CBLB: variants seen among roughly 807,000 people sequenced by gnomAD.
CBLB encodes E3 ubiquitin-protein ligase CBL-B.
Under a neutral mutation model 104.9 loss-of-function variants are expected in CBLB, and 31 were observed. That is an observed-to-expected ratio of 0.30 (90% CI 0.22 to 0.40). The LOEUF (loss-of-function observed/expected upper bound fraction) is 0.40, where lower values mean the gene tolerates loss of function less well. CBLB is among the 10% of genes least tolerant of loss of function. CBLB has a pLI of 1.00. For missense variants in CBLB, 1,062 were observed against 1,214.6 expected, an observed-to-expected ratio of 0.87 and a Z score of 1.87; for synonymous variants, 440 against 422.6, an observed-to-expected ratio of 1.04 and a Z score of -0.51.
intron 10 of CBLB, among the ~76,000 whole-genome samples, chr3:105,708,816 CATT>C (rs1468079377): frequency 6.6e-6 from 1 of 151,818 alleles, no homozygotes; most frequent in Non-Finnish European, 1.5e-5. Context: ...CATTTATAAA[CATT>C]ATGTAAAATA....
intron 9 of CBLB, among the ~76,000 whole-genome samples, chr3:105,732,977 A>T (rs1286023398): frequency 2.6e-5 from 4 of 152,214 alleles, no homozygotes; most frequent in African/African-American, 9.7e-5. Context: ...AAATGGCTTG[A>T]TCAAAATATT....
chr3:105,714,004 T>C (rs1015339651), intron 10 of CBLB, among the ~76,000 whole-genome samples: 5 of 152,246 alleles, frequency 3.3e-5, no homozygotes, highest in African/African-American at 1.2e-4. Flanking sequence ...AAATTGCCTA[T>C]AGTTGAGAAC....
At chr3:105,827,173 A>G (rs2086714961) in intron 3 of CBLB, among the ~76,000 whole-genome samples, 2 of 152,204 alleles carry the variant, frequency 1.3e-5, no homozygotes, top group South Asian at 4.1e-4. Context: ...ACAATGAAAC[A>G]TAACTAAATA....
chr3:105,665,845 A>C (rs911536130), intron 18 of CBLB, among the ~76,000 whole-genome samples: 11 of 151,650 alleles, frequency 7.3e-5, no homozygotes, highest in Non-Finnish European at 1.5e-4. Context: ...CCTGGCCAAT[A>C]TGGTGAAACC....
In CBLB at chr3:105,720,075, A is replaced by G; in HGVS notation, c.1379T>C (p.Met460Thr). The G allele has an allele frequency of 6.2e-7, 1 of 1,614,028 alleles. No individual in the cohort carries two copies. The highest frequency in any genetic ancestry group is 1.1e-5 in the South Asian group (1 of 91,076). Reference sequence around the variant, plus strand: ...TCGGACGTTTGCCAACCGATTCATCATCAAGGACTCCTCACGATCATCATC... The same window carrying G: ...TCGGACGTTTGCCAACCGATTCATCGTCAAGGACTCCTCACGATCATCATC... Reference protein sequence around the residue: ...DDDDDREESLMMNRLANVRKC... With the variant: ...DDDDDREESLTMNRLANVRKC... Residue 460 changes from methionine (M) to threonine (T), a missense_variant, in exon 10 of 19, where the codon ATG becomes ACG. Met to Thr is a moderately conservative substitution (Grantham distance 81, BLOSUM62 -1). Around this residue, in one of 2 missense-constraint regions of CBLB, gnomAD observed 457 missense variants for 632.0 expected, o/e 0.72. Transcript: ENST00000394030.
chr3:105,859,745 T>C (rs1243344356), intron 2 of CBLB, among the ~76,000 whole-genome samples: 1 of 151,600 alleles, frequency 6.6e-6, no homozygotes, highest in Admixed American at 6.6e-5. Flanking sequence ...ACCTAAAGTA[T>C]ATATATATCT....
At position 105,659,247 on chromosome 3, in the gene CBLB, G is replaced by A. The variant is rs991086687; in HGVS notation, c.2690-18C>T. ...TGAACCATCTGTGTAGATTTTTAAA[G>A]AGAGATACTATTTAAACAGTGAAAT... On this transcript the variant is annotated intron_variant, in intron 18 of 18. Transcript: ENST00000394030. The A allele has an allele frequency of 6.2e-7, 1 of 1,610,492 alleles. No homozygotes were observed.
At chr3:105,845,697 C>T (rs967835593) in intron 3 of CBLB, among the ~76,000 whole-genome samples, 3 of 152,058 alleles carry the variant, frequency 2.0e-5, no homozygotes, top group African/African-American at 7.2e-5. Flanking sequence ...AAGCTCTCAC[C>T]TGCCTCCCCT....
intron 10 of CBLB, 40 bp downstream of exon 10, chr3:105,720,006 TG>T: frequency 7.0e-7 from 1 of 1,429,088 alleles, no homozygotes; most frequent in South Asian, 1.1e-5. Context: ...CCTTTTCATA[TG>T]GTCACATCAC....
In CBLB at chr3:105,718,092, G is replaced by T. The variant is rs2072190145; in HGVS notation, c.1407+1955C>A. On this transcript the variant is annotated intron_variant, in intron 10 of 18. Transcript: ENST00000394030. ...CTTCCTTAAGTTAACTTTGTTTTGA[G>T]ACTCAAGTCTCAAGTCTGTTTCAAT... 2.0e-5 allele frequency among the ~76,000 whole-genome samples: 3 copies of T among 152,190 alleles called. No homozygotes were observed. In the South Asian group the frequency reaches 6.2e-4, roughly 32 times the overall value.
chr3:105,794,587 A>C (rs1167066894), intron 3 of CBLB, among the ~76,000 whole-genome samples: 5 of 152,188 alleles, frequency 3.3e-5, no homozygotes. Context: ...AATGTCACAA[A>C]CCAACTAGGG....
intron 9 of CBLB, among the ~76,000 whole-genome samples, chr3:105,723,868 C>G (rs1387635394): frequency 2.0e-5 from 3 of 152,084 alleles, no homozygotes; most frequent in Admixed American, 6.6e-5. Context: ...AGGTCAATCA[C>G]TTTATGCCTT....
chr3:105,705,619 G>C (rs930215105), intron 10 of CBLB, among the ~76,000 whole-genome samples: 5 of 152,184 alleles, frequency 3.3e-5, no homozygotes, highest in African/African-American at 1.2e-4. Context: ...GAAGTAAAGT[G>C]TCATTTTGAC....
intron 3 of CBLB, among the ~76,000 whole-genome samples, chr3:105,807,354 C>T (rs774665783): frequency 1.3e-5 from 2 of 152,082 alleles, no homozygotes; most frequent in Non-Finnish European, 2.9e-5. Context: ...CCCAGGCGTT[C>T]GTGAACAGGT....
At chr3:105,660,481 C>T (rs541493263) in intron 18 of CBLB, among the ~76,000 whole-genome samples, 26 of 152,164 alleles carry the variant, frequency 1.7e-4, no homozygotes, top group Non-Finnish European at 2.4e-4. Flanking sequence ...AGTGAGCCAC[C>T]GCACCTGGCC....
chr3:105,757,825 C>T lies in CBLB; in HGVS notation c.567-6207G>A, dbSNP rs138520004. Among the ~76,000 whole-genome samples, 1,237 of 152,194 alleles carry T rather than the reference C, an allele frequency of 8.1e-3. 9 individuals are homozygous for T. Among genetic ancestry groups the T allele is most frequent in the Non-Finnish European group, 0.013 (906 of 68,002 alleles). On this transcript the variant is annotated intron_variant, in intron 4 of 18. Coordinates refer to ENST00000394030, the MANE Select transcript of CBLB (RefSeq NM_170662.5). ...GTAGCTCAGGAATATATACTGTCAT[C>T]CTCATTTTAAACAAAAAGAAAATAT...
chr3:105,788,241 C>T (rs189411523), intron 3 of CBLB, among the ~76,000 whole-genome samples: 178 of 152,132 alleles, frequency 1.2e-3, no homozygotes, highest in African/African-American at 4.1e-3. Flanking sequence ...ACAATTATCC[C>T]GCCACATAAA....
At chr3:105,694,548 T>G (rs970574741) in intron 12 of CBLB, among the ~76,000 whole-genome samples, 3 of 152,042 alleles carry the variant, frequency 2.0e-5, no homozygotes, top group Non-Finnish European at 2.9e-5. Context: ...AGTCAAGGAC[T>G]TACCAATTAC....
At chr3:105,685,063 A>G (rs1000757975) in intron 14 of CBLB, among the ~76,000 whole-genome samples, 2 of 152,226 alleles carry the variant, frequency 1.3e-5, no homozygotes, top group African/African-American at 4.8e-5. Flanking sequence ...ATAATACCTT[A>G]GTTTCTGAGC....
Sources: gnomAD v4.1 joint callset for allele counts (sites outside exome capture counted in the v4.1 genomes callset) on GRCh38, gnomAD v4.1.1 for gene constraint, gnomAD v4.1.1 regional missense constraint, MANE v1.5 for transcripts, NCBI Gene and HGNC (gene_info 2026-07-23, HGNC 2026-07-21) for gene names.